SKIC3: variants seen among roughly 807,000 people sequenced by gnomAD.
SKIC3 encodes the protein superkiller complex protein 3.
the SKIC3 span, among the ~76,000 whole-genome samples, chr5:95,511,477 C>T: frequency 2.0e-5 from 3 of 152,108 alleles, no homozygotes. Context: ...GCCACACCCA[C>T]CCTAAGGCAA....
chr5:95,468,432 T>C, the SKIC3 span, among the ~76,000 whole-genome samples: 36,648 of 152,086 alleles, frequency 0.24, 5,779 homozygotes, highest in African/African-American at 0.44. Flanking sequence ...AAATATTCAA[T>C]GTCTACATTA....
the SKIC3 span, chr5:95,514,777 A>G: frequency 6.8e-7 from 1 of 1,465,810 alleles, no homozygotes; most frequent in Admixed American, 1.8e-5. Flanking sequence ...ATCCGTTACC[A>G]TTATTATCAC....
the SKIC3 span, among the ~76,000 whole-genome samples, chr5:95,506,676 G>A: frequency 6.6e-6 from 1 of 152,152 alleles, no homozygotes. Flanking sequence ...TACTGTTAGA[G>A]ACAGTCACTA....
the SKIC3 span, among the ~76,000 whole-genome samples, chr5:95,545,227 T>TG: frequency 6.6e-6 from 1 of 152,170 alleles, no homozygotes; most frequent in African/African-American, 2.4e-5. Flanking sequence ...CTTCCCTTCT[T>TG]GTATTCCATC....
At chr5:95,553,553 G>T in the SKIC3 span, among the ~76,000 whole-genome samples, 40 of 151,222 alleles carry the variant, frequency 2.6e-4, 1 homozygote, top group Middle Eastern at 3.4e-3. Context: ...TTGTTTAGGG[G>T]TTTTTTTGTT....
the SKIC3 span, chr5:95,528,162 T>C: frequency 6.2e-7 from 1 of 1,613,590 alleles, no homozygotes; most frequent in Non-Finnish European, 8.5e-7. Flanking sequence ...GCTGACAAAA[T>C]TAAGGGTATC....
the SKIC3 span, among the ~76,000 whole-genome samples, chr5:95,527,302 T>A: frequency 6.6e-6 from 1 of 152,124 alleles, no homozygotes; most frequent in Admixed American, 6.5e-5. Context: ...TTATAAAGCA[T>A]TCACACAAAA....
At chr5:95,502,863 A>T in the SKIC3 span, 1 of 1,612,286 alleles carries the variant, frequency 6.2e-7, no homozygotes, top group Non-Finnish European at 8.5e-7. Context: ...TTAAGTGTTG[A>T]TGTCAACTAT....
the SKIC3 span, among the ~76,000 whole-genome samples, chr5:95,529,638 C>T: frequency 6.6e-6 from 1 of 152,154 alleles, no homozygotes. Context: ...TTCCCTTCAA[C>T]CACCTACCTG....
chr5:95,541,905 C>A, the SKIC3 span: 1 of 1,605,728 alleles, frequency 6.2e-7, no homozygotes, highest in Non-Finnish European at 8.5e-7. Context: ...GTTTGCTAAC[C>A]CCTAAAAGAA....
At chr5:95,479,574 T>C in the SKIC3 span, among the ~76,000 whole-genome samples, 2 of 152,070 alleles carry the variant, frequency 1.3e-5, no homozygotes, top group African/African-American at 4.8e-5. Context: ...TATTATAATA[T>C]AGTGTTATAA....
At chr5:95,513,391 G>A in the SKIC3 span, 1 of 618,742 alleles carries the variant, frequency 1.6e-6, no homozygotes, top group Non-Finnish European at 2.8e-6. Context: ...TTTTTTTTAA[G>A]AGACAGGGTC....
the SKIC3 span, chr5:95,482,415 T>G: frequency 1.9e-6 from 3 of 1,542,126 alleles, no homozygotes; most frequent in East Asian, 6.7e-5. Context: ...GCCCTGACAT[T>G]AACTAATATT....
chr5:95,541,736 A>C, the SKIC3 span: 1 of 1,044,830 alleles, frequency 9.6e-7, no homozygotes, highest in African/African-American at 1.6e-5. Flanking sequence ...AAATGCTGGA[A>C]TACTTCTACA....
chr5:95,483,072 T>C, the SKIC3 span, among the ~76,000 whole-genome samples: 1 of 152,282 alleles, frequency 6.6e-6, no homozygotes, highest in Non-Finnish European at 1.5e-5. Context: ...GTATTCACTC[T>C]ACATGTCTTT....
At chr5:95,474,001 G>T in the SKIC3 span, among the ~76,000 whole-genome samples, 13 of 152,294 alleles carry the variant, frequency 8.5e-5, no homozygotes, top group East Asian at 2.3e-3. Context: ...GTCAAAAAAG[G>T]TATTTCCTAG....
At chr5:95,516,797 G>A in the SKIC3 span, 1 of 1,594,306 alleles carries the variant, frequency 6.3e-7, no homozygotes, top group East Asian at 2.3e-5. Flanking sequence ...TGGAATAGCA[G>A]CATGTATATC....
At chr5:95,510,389 A>G in the SKIC3 span, among the ~76,000 whole-genome samples, 1 of 152,230 alleles carries the variant, frequency 6.6e-6, no homozygotes, top group East Asian at 1.9e-4. Context: ...CTTCTTGCCT[A>G]GCGACTAGAC....
At chr5:95,516,227 T>C in the SKIC3 span, 4 of 892,584 alleles carry the variant, frequency 4.5e-6, no homozygotes, top group African/African-American at 1.7e-5. Flanking sequence ...ACTAGCATAC[T>C]GGAGAGCATA....
Sources: gnomAD v4.1 joint callset for allele counts (sites outside exome capture counted in the v4.1 genomes callset) on GRCh38, gnomAD v4.1.1 for gene constraint, MANE v1.5 for transcripts, NCBI Gene and HGNC (gene_info 2026-07-23, HGNC 2026-07-21) for gene names.